The following GRM5 variants were observed in gnomAD, a reference collection of about 807,000 sequenced individuals.
GRM5 encodes the protein metabotropic glutamate receptor 5.
Under a neutral mutation model 83.1 loss-of-function variants are expected in GRM5, and 19 were observed. The observed-to-expected ratio is 0.23, with a 90% CI of 0.16 to 0.34. The LOEUF (loss-of-function observed/expected upper bound fraction) is 0.34, where lower values mean the gene tolerates loss of function less well. Ranked by LOEUF, GRM5 falls within the 10% of genes least tolerant of loss-of-function variation. GRM5 has a pLI of 1.00. For synonymous variants in GRM5, 675 were observed against 633.6 expected (o/e 1.07, Z -0.98); for missense variants, 1,160 against 1,588.3 (o/e 0.73, Z 4.58).
At chr11:88,849,765 G>A (rs1381235371) in intron 3 of GRM5, 141 bp downstream of exon 3, 11 of 774,672 alleles carry the variant, frequency 1.4e-5, no homozygotes, top group Non-Finnish European at 2.2e-5. Context: ...TCCAGGCACA[G>A]GTGCGTTATG....
intron 2 of GRM5, among the ~76,000 whole-genome samples, chr11:88,983,828 A>C (rs1939604106): frequency 6.6e-6 from 1 of 152,044 alleles, no homozygotes; most frequent in Non-Finnish European, 1.5e-5. Context: ...ATTGCCCCTA[A>C]AGATTTTACA....
intron 2 of GRM5, among the ~76,000 whole-genome samples, chr11:88,906,862 C>T (rs1045696840): frequency 5.9e-5 from 9 of 152,096 alleles, no homozygotes; most frequent in Non-Finnish European, 1.2e-4. Context: ...AAGGAATCCA[C>T]GCCAGAAAAG....
chr11:88,542,246 C>A (rs977014540), intron 8 of GRM5, among the ~76,000 whole-genome samples: 1 of 152,100 alleles, frequency 6.6e-6, no homozygotes, highest in Admixed American at 6.5e-5. Flanking sequence ...GAAAGTCACA[C>A]AGTTAGATGA....
At chr11:88,597,664 C>T (rs1937854109) in intron 5 of GRM5, among the ~76,000 whole-genome samples, 1 of 152,014 alleles carries the variant, frequency 6.6e-6, no homozygotes, top group Non-Finnish European at 1.5e-5. Flanking sequence ...TAGGCTTCTA[C>T]AAAAGATAGA....
At chr11:88,612,236 C>T (rs1315250280) in intron 4 of GRM5, among the ~76,000 whole-genome samples, 7 of 147,730 alleles carry the variant, frequency 4.7e-5, no homozygotes, top group East Asian at 3.9e-4. Flanking sequence ...TTTGTTCCTG[C>T]GATAGTTTAC....
Position 88,710,521 on chromosome 11 carries a change from A to G in GRM5, c.912-57118T>C, listed in dbSNP as rs531472022. The stretch of plus-strand genomic sequence containing the variant: ...AAGTCACTTAAGTTACTCAGAACTC[A>G]GCTTTCCACTCCCACAGAATATGTG... On this transcript the variant is annotated intron_variant, in intron 3 of 9. Coordinates refer to ENST00000305447, the MANE Select transcript of GRM5 (RefSeq NM_001143831.3). Among the ~76,000 whole-genome samples the G allele has an allele frequency of 4.6e-5, 7 of 152,252 alleles. No individual in the cohort carries two copies. The East Asian group carries it at 1.4e-3, about 29-fold the overall frequency.
At chr11:88,766,574 C>A (rs1485214153) in intron 3 of GRM5, among the ~76,000 whole-genome samples, 2 of 151,802 alleles carry the variant, frequency 1.3e-5, no homozygotes, top group African/African-American at 4.8e-5. Flanking sequence ...TCAAAGACTT[C>A]AATGTAAAAT....
chr11:88,875,204 A>T (rs1644092461), intron 2 of GRM5, among the ~76,000 whole-genome samples: 1 of 151,912 alleles, frequency 6.6e-6, no homozygotes, highest in Non-Finnish European at 1.5e-5. Flanking sequence ...CTGCTTTATT[A>T]ACTAGATTTA....
In GRM5 at chr11:89,048,956, T is replaced by C. The variant is rs1218850085; in HGVS notation, c.-200-884A>G. 3.3e-5 allele frequency among the ~76,000 whole-genome samples: 5 copies of C among 152,160 alleles called. No individual in the cohort carries two copies. The East Asian group carries it at 7.7e-4, about 23-fold the overall frequency. On this transcript the variant is annotated intron_variant, in intron 1 of 9. Transcript: ENST00000305447. The stretch of plus-strand genomic sequence containing the variant: ...CCCTTATGGGAATCAATACAAGATA[T>C]CAACGAAATAAACGCTTTACAAGTT...
At chr11:88,921,889 G>A (rs1945698450) in intron 2 of GRM5, among the ~76,000 whole-genome samples, 1 of 150,132 alleles carries the variant, frequency 6.7e-6, no homozygotes, top group Non-Finnish European at 1.5e-5. Flanking sequence ...AATAAATTCA[G>A]TAAAGTTTCA....
At chr11:88,773,281 G>A (rs182776603) in intron 3 of GRM5, among the ~76,000 whole-genome samples, 14 of 152,132 alleles carry the variant, frequency 9.2e-5, no homozygotes, top group African/African-American at 3.1e-4. Context: ...CATATCCTTT[G>A]TCCACTTTTT....
intron 3 of GRM5, among the ~76,000 whole-genome samples, chr11:88,825,084 C>T (rs560174553): frequency 6.6e-6 from 1 of 152,184 alleles, no homozygotes; most frequent in Admixed American, 6.5e-5. Flanking sequence ...TTCTTAGTGC[C>T]TTGGTCTGCC....
intron 3 of GRM5, among the ~76,000 whole-genome samples, chr11:88,709,989 C>T (rs1426313851): frequency 1.3e-5 from 2 of 152,096 alleles, no homozygotes; most frequent in African/African-American, 2.4e-5. Context: ...GGTTCTCTCT[C>T]CACAAACCAG....
chr11:89,013,623 G>T (rs1188190387), intron 2 of GRM5, among the ~76,000 whole-genome samples: 1 of 152,134 alleles, frequency 6.6e-6, no homozygotes, highest in East Asian at 1.9e-4. Context: ...TATCAGGGAA[G>T]AATTATCTTG....
At chr11:88,889,872 C>T (rs1399506745) in intron 2 of GRM5, among the ~76,000 whole-genome samples, 1 of 152,050 alleles carries the variant, frequency 6.6e-6, no homozygotes, top group African/African-American at 2.4e-5. Context: ...CAAAAAAAAC[C>T]CTTTCTTTTC....
intron 2 of GRM5, among the ~76,000 whole-genome samples, chr11:88,948,745 C>T (rs1938360962): frequency 6.6e-6 from 1 of 152,000 alleles, no homozygotes; most frequent in Admixed American, 6.6e-5. Context: ...TATTGCTCTC[C>T]TATTATGTGC....
chr11:88,527,513 A>G (rs1941907838), intron 8 of GRM5, among the ~76,000 whole-genome samples: 1 of 152,190 alleles, frequency 6.6e-6, no homozygotes, highest in Non-Finnish European at 1.5e-5. Context: ...TAGTTCAGCC[A>G]CTGTGGAAAT....
intron 3 of GRM5, among the ~76,000 whole-genome samples, chr11:88,704,382 T>C (rs1215468915): frequency 6.6e-6 from 1 of 151,992 alleles, no homozygotes; most frequent in Non-Finnish European, 1.5e-5. Context: ...TACTCTCCAT[T>C]GAGACCACAC....
intron 4 of GRM5, among the ~76,000 whole-genome samples, chr11:88,634,836 A>G (rs891002756): frequency 6.6e-6 from 1 of 152,178 alleles, no homozygotes; most frequent in African/African-American, 2.4e-5. Context: ...CACAGGGTTT[A>G]TTTACATCAG....
Sources: gnomAD v4.1 joint callset for allele counts (sites outside exome capture counted in the v4.1 genomes callset) on GRCh38, gnomAD v4.1.1 for gene constraint, MANE v1.5 for transcripts, NCBI Gene and HGNC (gene_info 2026-07-23, HGNC 2026-07-21) for gene names.